Variants in ADGRG2 observed in about 807,000 individuals in gnomAD.
ADGRG2 encodes the protein adhesion G protein-coupled receptor G2.
Under a neutral mutation model 74.1 loss-of-function variants are expected in ADGRG2, and 26 were observed. That is an observed-to-expected ratio of 0.35 (90% CI 0.26 to 0.49). The LOEUF is 0.49. Among genes scored for constraint, ADGRG2 ranks in the 20% least tolerant of loss-of-function variants. The pLI is 0.99. For missense variants in ADGRG2, 619 were observed against 763.1 expected, an observed-to-expected ratio of 0.81 and a Z score of 2.22; for synonymous variants, 296 against 295.2, an observed-to-expected ratio of 1.00 and a Z score of -0.03.
chrX:19,042,881 C>T (rs1183506860), intron 3 of ADGRG2, among the ~76,000 whole-genome samples: 1 of 110,904 alleles, frequency 9.0e-6, no homozygotes, highest in African/African-American at 3.3e-5. Context: ...ATCCCAGCTA[C>T]TTGGGAGGCG....
In ADGRG2 at chrX:19,119,287, A is replaced by T. The variant is rs768236454; in HGVS notation, c.-47+3155T>A. Among the ~76,000 whole-genome samples, 23 of 112,340 alleles carry T rather than the reference A, an allele frequency of 2.0e-4. 1 individual carries two copies. Among genetic ancestry groups the T allele is most frequent in the Non-Finnish European group, 4.3e-4 (23 of 53,280 alleles). On this transcript the variant is annotated intron_variant, in intron 1 of 28. Transcript: ENST00000379869. ...TTACCACAATTTATTTGATTGCGGG[A>T]ATTTATTTTATGATAGCTTTCCCCA...
At chrX:18,998,293 T>C (rs771554293) in intron 26 of ADGRG2, among the ~76,000 whole-genome samples, 179 of 111,750 alleles carry the variant, frequency 1.6e-3, no homozygotes, top group African/African-American at 5.7e-3. Context: ...GTATGTGTGC[T>C]TACAGTCTGC....
At chrX:19,120,500 A>T (rs907953867) in intron 1 of ADGRG2, among the ~76,000 whole-genome samples, 1 of 112,309 alleles carries the variant, frequency 8.9e-6, no homozygotes, top group African/African-American at 3.2e-5. Flanking sequence ...TCTTAGACTT[A>T]TCTCTTCAGA....
intron 15 of ADGRG2, 164 bp downstream of exon 15, chrX:19,019,435 G>C (rs1353978913): frequency 2.4e-6 from 1 of 422,881 alleles, no homozygotes; most frequent in Non-Finnish European, 4.2e-6. Flanking sequence ...TCAAACCACT[G>C]GTTTAAGGCA....
intron 28 of ADGRG2, among the ~76,000 whole-genome samples, chrX:18,993,629 C>T (rs773770844): frequency 5.3e-4 from 56 of 105,251 alleles, no homozygotes; most frequent in African/African-American, 1.6e-3. Flanking sequence ...TGCAGTGAAC[C>T]GTGATCATAC....
At chrX:19,065,909 A>G (rs2061561456) in intron 3 of ADGRG2, among the ~76,000 whole-genome samples, 1 of 112,328 alleles carries the variant, frequency 8.9e-6, no homozygotes, top group African/African-American at 3.2e-5. Context: ...GTGCAATGGC[A>G]TGATCTCAGC....
intron 2 of ADGRG2, among the ~76,000 whole-genome samples, chrX:19,078,269 G>A (rs1210351369): frequency 3.6e-5 from 4 of 112,154 alleles, no homozygotes; most frequent in African/African-American, 9.7e-5. Context: ...GAAAATATTC[G>A]CCAGGCGTGG....
At chrX:19,113,834 T>G (rs755813295) in intron 1 of ADGRG2, among the ~76,000 whole-genome samples, 1 of 111,462 alleles carries the variant, frequency 9.0e-6, no homozygotes, top group East Asian at 2.8e-4. Flanking sequence ...TTTGGGAGAC[T>G]GAGGCAGGCG....
At chrX:19,107,293 G>A (rs1470964848) in intron 1 of ADGRG2, among the ~76,000 whole-genome samples, 1 of 112,281 alleles carries the variant, frequency 8.9e-6, no homozygotes, top group Non-Finnish European at 1.9e-5. Flanking sequence ...GACACTATCT[G>A]CTAATCGTTT....
intron 3 of ADGRG2, among the ~76,000 whole-genome samples, chrX:19,060,560 T>A (rs191341716): frequency 0.039 from 3,697 of 94,701 alleles, 184 homozygotes; most frequent in African/African-American, 0.14. Context: ...TTTTTTTTTT[T>A]ATCTTTGAGA....
At chrX:19,002,587 A>G (rs945088557) in intron 24 of ADGRG2, among the ~76,000 whole-genome samples, 3 of 112,117 alleles carry the variant, frequency 2.7e-5, no homozygotes, top group African/African-American at 9.7e-5. Context: ...CCCAAATTCT[A>G]GTTCCTGGAG....
At chrX:19,105,079 C>CA (rs2062259840) in intron 1 of ADGRG2, among the ~76,000 whole-genome samples, 2 of 110,762 alleles carry the variant, frequency 1.8e-5, no homozygotes, top group African/African-American at 6.5e-5. Context: ...ACTAAAAATA[C>CA]AAAAATTATG....
intron 1 of ADGRG2, among the ~76,000 whole-genome samples, chrX:19,086,208 A>G (rs990542894): frequency 1.8e-5 from 2 of 111,587 alleles, no homozygotes; most frequent in African/African-American, 3.3e-5. Flanking sequence ...CGCTTCAGTG[A>G]CAAAACATAG....
chrX:19,075,964 G>A (rs1661486509), intron 2 of ADGRG2, among the ~76,000 whole-genome samples: 1 of 112,296 alleles, frequency 8.9e-6, no homozygotes, highest in African/African-American at 3.2e-5. Context: ...TGGGTTTGTG[G>A]CCAGGCCCAT....
At chrX:19,065,848 G>A (rs1569119851) in intron 3 of ADGRG2, among the ~76,000 whole-genome samples, 1 of 111,640 alleles carries the variant, frequency 9.0e-6, no homozygotes, top group Non-Finnish European at 1.9e-5. Context: ...GAATAGTTTA[G>A]ATTTTATTTT....
At chrX:19,019,535 A>C in intron 15 of ADGRG2, 64 bp downstream of exon 15, 126 of 585,505 alleles carry the variant, frequency 2.2e-4, no homozygotes, top group Non-Finnish European at 3.3e-4. Flanking sequence ...AAAACTCCTT[A>C]GCTAGCATGG....
At chrX:19,074,788 C>T (rs955334706) in intron 2 of ADGRG2, among the ~76,000 whole-genome samples, 1 of 107,679 alleles carries the variant, frequency 9.3e-6, no homozygotes, top group African/African-American at 3.4e-5. Context: ...CCAGGCTAGT[C>T]TCGAACTCCT....
chrX:19,071,648 G>A (rs979356184), intron 2 of ADGRG2, among the ~76,000 whole-genome samples: 2 of 111,494 alleles, frequency 1.8e-5, no homozygotes, highest in Middle Eastern at 4.6e-3. Context: ...ATTGGATGTG[G>A]GCACAAGGGA....
intron 1 of ADGRG2, among the ~76,000 whole-genome samples, chrX:19,104,742 C>A (rs1033323797): frequency 7.4e-5 from 8 of 107,621 alleles, no homozygotes; most frequent in Admixed American, 6.0e-4. Flanking sequence ...CATGGTGAAA[C>A]CCCGTCTCTA....
Sources: gnomAD v4.1 joint callset for allele counts (sites outside exome capture counted in the v4.1 genomes callset) on GRCh38, gnomAD v4.1.1 for gene constraint, MANE v1.5 for transcripts, NCBI Gene and HGNC (gene_info 2026-07-23, HGNC 2026-07-21) for gene names.